DSC1: variants seen among roughly 807,000 people sequenced by gnomAD.
DSC1 encodes the protein desmocollin-1.
Under a neutral mutation model 98.8 loss-of-function variants are expected in DSC1, and 79 were observed. That is an observed-to-expected ratio of 0.80 (90% CI 0.67 to 0.96). The LOEUF (loss-of-function observed/expected upper bound fraction) is 0.96. Ranked by LOEUF, DSC1 falls within the 50% of genes least tolerant of loss-of-function variation. The pLI, the probability that DSC1 is intolerant of heterozygous loss-of-function variation, is 0.00. For missense variants in DSC1, 1,115 were observed against 1,075.9 expected, an observed-to-expected ratio of 1.04 and a Z score of -0.51; for synonymous variants, 405 against 372.1, an observed-to-expected ratio of 1.09 and a Z score of -1.02.
chr18:31,132,244 G>A, intron 14 of DSC1: 2 of 349,628 alleles, frequency 5.7e-6, no homozygotes, highest in East Asian at 6.6e-5. Flanking sequence ...ATTGGCAGAA[G>A]CTAGGAGAGA....
intron 9 of DSC1, 41 bp from the exon 10 acceptor site, chr18:31,140,342 T>G (rs1988708290): frequency 6.4e-7 from 1 of 1,556,176 alleles, no homozygotes; most frequent in African/African-American, 1.4e-5. Flanking sequence ...TATATAACAT[T>G]ATATATAAGA....
intron 4 of DSC1, among the ~76,000 whole-genome samples, 187 bp from the exon 5 acceptor site, chr18:31,155,116 GC>G (rs1989071062): frequency 6.6e-6 from 1 of 152,044 alleles, no homozygotes; most frequent in South Asian, 2.1e-4. Context: ...ATTGTGCAAA[GC>G]CACAAATTCT....
chr18:31,154,696 T>C lies in DSC1; in HGVS notation c.627+78A>G, dbSNP rs913407858. The C allele has an allele frequency of 9.7e-6, 12 of 1,232,142 alleles. No individual in the cohort carries two copies. The Admixed American group carries it at 1.2e-4, about 12-fold the overall frequency. The allele number at this position is 1,232,142 out of a possible 1,614,324, so 76.3% of individuals were successfully genotyped here. ...AATCAAATAATTGATTCTTATAATA[T>C]GTAAACAAGCATAGTTGAAAATATT... On this transcript the variant is annotated intron_variant, in intron 5 of 15. Coordinates refer to ENST00000257198, the MANE Select transcript of DSC1 (RefSeq NM_024421.2).
Position 31,143,804 on chromosome 18 carries a change from A to G in DSC1, c.940-13T>C. ...AAGTATCACATTTCTGAAAAAAAGG[A>G]AAAAACTACATTAATGAACACTTTT... On this transcript the variant is annotated splice_polypyrimidine_tract_variant and intron_variant, in intron 7 of 15. Coordinates refer to ENST00000257198, the MANE Select transcript of DSC1 (RefSeq NM_024421.2). The G allele has an allele frequency of 1.3e-6, 2 of 1,541,222 alleles. No homozygotes were observed. The highest frequency in any genetic ancestry group is 2.3e-5 in the East Asian group (1 of 42,658).
chr18:31,131,534 C>A (rs1988487701), intron 15 of DSC1, 60 bp downstream of exon 15: 4 of 1,589,750 alleles, frequency 2.5e-6, no homozygotes, highest in Admixed American at 3.4e-5. Context: ...TTGGGAAATT[C>A]TGATTTATAA....
Position 31,145,649 on chromosome 18 carries a change from C to T in DSC1, c.901G>A (p.Gly301Ser). ...AAAGGTGTAGTTGTGGTGATGACAC[C>T]GGTATCTGGGTGTATGGAGAAATGC... ...PKHFSIHPDT[G>S]VITTTTPFLD... is the part of the protein sequence containing the mutation. The change falls in exon 7 of 16, where the codon GGT (glycine) becomes AGT (serine). Residue 301 changes from glycine (G) to serine (S), a missense_variant. Physicochemically the swap from Gly to Ser is moderately conservative, Grantham distance 56. Coordinates refer to ENST00000257198, the MANE Select transcript of DSC1 (RefSeq NM_024421.2). The T allele has an allele frequency of 3.7e-6, 6 of 1,614,040 alleles. No homozygotes were observed. The highest frequency in any genetic ancestry group is 5.1e-6 in the Non-Finnish European group (6 of 1,180,006).
intron 2 of DSC1, among the ~76,000 whole-genome samples, chr18:31,157,792 T>C (rs1989130033): frequency 6.6e-6 from 1 of 152,260 alleles, no homozygotes; most frequent in African/African-American, 2.4e-5. Flanking sequence ...TACATTAATT[T>C]GAGAAATAAA....
Position 31,142,105 on chromosome 18 carries a change from G to A in DSC1, c.1154C>T (p.Thr385Ile), listed in dbSNP as rs770838097. The change falls in exon 9 of 16, where the codon ACT becomes ATT. Residue 385 changes from threonine to isoleucine, a missense_variant. Physicochemically the swap from Thr to Ile is moderately conservative, Grantham distance 89 (BLOSUM62 -1). Transcript: ENST00000257198. Reference protein sequence around the residue: ...MKVQDQDLPNTPHSKAVYKIL... With the variant: ...MKVQDQDLPNIPHSKAVYKIL... ...TTTGTATACAGCCTTTGAGTGAGGA[G>A]TGTTTGGCAAATCCTGATCCTGTAC... The A allele has an allele frequency of 2.5e-6, 4 of 1,613,294 alleles. No individual in the cohort carries two copies. The highest frequency in any genetic ancestry group is 3.3e-4 in the Middle Eastern group (2 of 6,058).
chr18:31,158,849 G>A (rs1989150629), intron 2 of DSC1, among the ~76,000 whole-genome samples: 1 of 151,922 alleles, frequency 6.6e-6, no homozygotes, highest in Admixed American at 6.6e-5. Context: ...ATACAAATTA[G>A]AATATGCTCC....
intron 11 of DSC1, among the ~76,000 whole-genome samples, chr18:31,138,412 A>T (rs1436919247): frequency 6.6e-6 from 1 of 152,128 alleles, no homozygotes; most frequent in East Asian, 1.9e-4. Context: ...CTCTTGTGAA[A>T]CTATAATAAT....
At position 31,130,303 on chromosome 18, in the gene DSC1, A is replaced by C; in HGVS notation, c.*211T>G. The C allele has an allele frequency of 1.7e-6, 1 of 601,252 alleles. No homozygotes were observed. 37.2% of individuals were successfully genotyped at this position (601,252 alleles called of 1,614,324 possible). ...GGCAATATATACATGCATATAAAAG[A>C]GAATTAACAAACAAAACCTTGATTT... On this transcript the variant is annotated 3_prime_UTR_variant, in exon 16 of 16. Transcript: ENST00000257198.
rs751892388 is a variant in DSC1 at position 31,162,620 on chromosome 18, C to T, written c.-26G>A. The T allele has an allele frequency of 1.1e-5, 17 of 1,612,440 alleles. No homozygotes were observed. In the Admixed American group the frequency reaches 2.0e-4, roughly 19 times the overall value. ...CAGAAGCAGTCCCAATGGCCAGGGA[C>T]GGTGGCCAGATAACAGGGCAGCCTG... On this transcript the variant is annotated 5_prime_UTR_variant, in exon 1 of 16. Transcript: ENST00000257198.
intron 11 of DSC1, among the ~76,000 whole-genome samples, chr18:31,139,507 T>C (rs183496653): frequency 5.9e-5 from 9 of 152,272 alleles, no homozygotes; most frequent in South Asian, 2.1e-4. Flanking sequence ...TTAATTGTGA[T>C]GTAATTACAT....
chr18:31,131,708 G>A lies in DSC1; in HGVS notation c.2373C>T (p.Ser791=). 6.2e-7 allele frequency: 1 copy of A among 1,613,990 alleles called. No individual in the cohort carries two copies. The highest frequency in any genetic ancestry group is 1.1e-5 in the South Asian group (1 of 91,072). The change falls in exon 15 of 16, where the codon TCC becomes TCT. Residue 791 remains serine, a synonymous_variant. Transcript: ENST00000257198. ...EMVKGGYTLD[S]NKGGGHQTLE... ...AGGTCTGATGTCCACCTCCTTTGTT[G>A]GAATCCAAAGTGTAGCCTCCTTTGA...
At chr18:31,139,169 T>A (rs151270967) in intron 11 of DSC1, among the ~76,000 whole-genome samples, 1 of 152,186 alleles carries the variant, frequency 6.6e-6, no homozygotes, top group African/African-American at 2.4e-5. Flanking sequence ...GATCACTACT[T>A]TACTATATTT....
chr18:31,134,909 TCC>T, intron 11 of DSC1, 125 bp from the exon 12 acceptor site: 1 of 849,524 alleles, frequency 1.2e-6, no homozygotes. Flanking sequence ...CATACATGCT[TCC>T]CAGATTTCAG....
At position 31,131,892 on chromosome 18, in the gene DSC1, C is replaced by G. The variant is rs1555643697; in HGVS notation, c.2239-50G>C. The G allele has an allele frequency of 2.5e-6, 4 of 1,599,414 alleles. No individual in the cohort carries two copies. In the Admixed American group the frequency reaches 6.8e-5, roughly 27 times the overall value. Reference sequence around the variant, plus strand: ...AGTGAATTTGAAAAATGGAAACTAACAATTCATTTTCATTTTTTTTCACCA... The same window carrying G: ...AGTGAATTTGAAAAATGGAAACTAAGAATTCATTTTCATTTTTTTTCACCA... On this transcript the variant is annotated intron_variant, in intron 14 of 15. Transcript: ENST00000257198.
At chr18:31,151,584 T>C (rs1989000948) in intron 5 of DSC1, among the ~76,000 whole-genome samples, 1 of 152,204 alleles carries the variant, frequency 6.6e-6, no homozygotes, top group Non-Finnish European at 1.5e-5. Context: ...ATGTGCGTGT[T>C]ATTGTGATAT....
In DSC1 at chr18:31,129,743, A is replaced by G. The variant is rs1988443407; in HGVS notation, c.*771T>C. ...GCAAACGAAACATATTTGTGAGCAT[A>G]AGTCAACCCATGGACCTCAGGGCTG... On this transcript the variant is annotated 3_prime_UTR_variant, in exon 16 of 16. Coordinates refer to ENST00000257198, the MANE Select transcript of DSC1 (RefSeq NM_024421.2). 1 of 152,290 alleles carries G rather than the reference A, an allele frequency of 6.6e-6. No individual in the cohort carries two copies. Among genetic ancestry groups the G allele is most frequent in the South Asian group, 2.1e-4 (1 of 4,828 alleles). 9.4% of individuals were successfully genotyped at this position (152,290 alleles called of 1,614,324 possible). A position where few individuals can be genotyped will look rare whatever the true frequency, so the allele number is the denominator to read the frequency against.
Sources: allele counts gnomAD v4.1 joint callset (sites outside exome capture counted in the v4.1 genomes callset), GRCh38; gene constraint gnomAD v4.1.1; transcripts MANE v1.5; gene names NCBI Gene and HGNC (gene_info 2026-07-23, HGNC 2026-07-21).